The following PAMR1 variants were observed in gnomAD, a reference collection of about 807,000 sequenced individuals.
The protein encoded by PAMR1 is peptidase domain containing associated with muscle regeneration 1, also known as inactive serine protease PAMR1.
Under a neutral mutation model 81.8 loss-of-function variants are expected in PAMR1, and 88 were observed. The ratio of observed to expected loss-of-function variants is 1.08; its 90% CI spans 0.91 to 1.28. The LOEUF is 1.28. PAMR1 is among the 50% of genes most tolerant of loss of function. PAMR1 has a pLI of 0.00. For missense variants in PAMR1, 935 were observed against 919.7 expected (o/e 1.02, Z -0.21); for synonymous variants, 336 against 345.3 (o/e 0.97, Z 0.30).
At chr11:35,483,299 A>C (rs183764257) in intron 3 of PAMR1, among the ~76,000 whole-genome samples, 1 of 152,142 alleles carries the variant, frequency 6.6e-6, no homozygotes, top group African/African-American at 2.4e-5. Flanking sequence ...CTGTGACTAC[A>C]AGACTGGGAA....
rs559893178 is a variant in PAMR1 at position 35,463,110 on chromosome 11, G to A, written c.820+4891C>T. ...GGTCTCAGTACGTTCTCACTGGTTC[G>A]GCTTCATGTTTTCATGAACACCCCA... On this transcript the variant is annotated intron_variant, in intron 6 of 10. Transcript: ENST00000619888. Among the ~76,000 whole-genome samples, 314 of 152,222 alleles carry A rather than the reference G, an allele frequency of 2.1e-3. 1 individual carries two copies. Among genetic ancestry groups the A allele is most frequent in the African/African-American group, 7.1e-3 (296 of 41,518 alleles).
intron 3 of PAMR1, among the ~76,000 whole-genome samples, chr11:35,480,608 C>G: frequency 6.6e-6 from 1 of 152,176 alleles, no homozygotes; most frequent in East Asian, 1.9e-4. Context: ...CAGTTGGTTT[C>G]TTTTTTATTG....
chr11:35,496,680 C>T (rs1431670288), intron 1 of PAMR1, among the ~76,000 whole-genome samples: 3 of 152,176 alleles, frequency 2.0e-5, no homozygotes, highest in Non-Finnish European at 2.9e-5. Flanking sequence ...TGAAATGGTG[C>T]AGCCCCTATG....
intron 1 of PAMR1, among the ~76,000 whole-genome samples, chr11:35,518,042 C>T (rs569160826): frequency 6.6e-6 from 1 of 152,164 alleles, no homozygotes; most frequent in African/African-American, 2.4e-5. Flanking sequence ...ATTTGTATCT[C>T]ATTTCCACGA....
chr11:35,498,789 C>T (rs1452477555), intron 1 of PAMR1, among the ~76,000 whole-genome samples: 4 of 152,170 alleles, frequency 2.6e-5, no homozygotes, highest in Admixed American at 1.3e-4. Flanking sequence ...TCTCCCAAGG[C>T]CTCCGTCTCA....
intron 10 of PAMR1, among the ~76,000 whole-genome samples, chr11:35,433,773 C>A (rs75012957): frequency 9.6e-6 from 1 of 104,200 alleles, no homozygotes; most frequent in Non-Finnish European, 2.1e-5. Context: ...GATGGATAGA[C>A]GGATGGATGG....
chr11:35,452,288 T>C (rs1301014156), intron 6 of PAMR1, among the ~76,000 whole-genome samples: 2 of 151,682 alleles, frequency 1.3e-5, no homozygotes, highest in African/African-American at 2.4e-5. Flanking sequence ...AACTAAAAGA[T>C]GGCTTAAAAA....
At chr11:35,451,067 T>C (rs1856408890) in intron 6 of PAMR1, among the ~76,000 whole-genome samples, 1 of 152,372 alleles carries the variant, frequency 6.6e-6, no homozygotes, top group East Asian at 1.9e-4. Flanking sequence ...CACATCTGCC[T>C]CAGCAGAGGA....
At chr11:35,503,041 T>C (rs1850882892) in intron 1 of PAMR1, among the ~76,000 whole-genome samples, 2 of 152,346 alleles carry the variant, frequency 1.3e-5, no homozygotes, top group South Asian at 2.1e-4. Context: ...TCAAGTTTCA[T>C]ACTTCTGCAT....
intron 7 of PAMR1, among the ~76,000 whole-genome samples, 170 bp downstream of exon 7, chr11:35,441,311 A>G (rs1856159551): frequency 2.0e-5 from 3 of 152,190 alleles, no homozygotes; most frequent in Non-Finnish European, 2.9e-5. Context: ...TCAAAAAAAA[A>G]AAGAAGCAAA....
At chr11:35,488,197 C>CTTTTTTT (rs35884320) in intron 3 of PAMR1, among the ~76,000 whole-genome samples, 2 of 88,038 alleles carry the variant, frequency 2.3e-5, no homozygotes, top group East Asian at 3.5e-4. Flanking sequence ...CCTTTCCCAT[C>CTTTTTTT]TTTTTTTTTT....
chr11:35,455,308 A>G (rs10836398), intron 6 of PAMR1, among the ~76,000 whole-genome samples: 49,822 of 152,060 alleles, frequency 0.33, 8,213 homozygotes, highest in Admixed American at 0.41. Flanking sequence ...GCCCTCCAGT[A>G]AAATCAATAA....
At chr11:35,477,721 C>T (rs537512527) in intron 3 of PAMR1, among the ~76,000 whole-genome samples, 1 of 152,230 alleles carries the variant, frequency 6.6e-6, no homozygotes, top group South Asian at 2.1e-4. Flanking sequence ...GAGATATGAC[C>T]TTGGATCTGT....
chr11:35,447,259 G>A (rs1051438745), intron 6 of PAMR1, among the ~76,000 whole-genome samples: 4 of 145,196 alleles, frequency 2.8e-5, no homozygotes, highest in Non-Finnish European at 4.5e-5. Flanking sequence ...CTGCAGTGCA[G>A]TGGTGCGATC....
intron 1 of PAMR1, among the ~76,000 whole-genome samples, chr11:35,520,755 T>C (rs576252584): frequency 2.0e-5 from 3 of 152,330 alleles, no homozygotes; most frequent in Admixed American, 6.5e-5. Context: ...TTTTCCCCAT[T>C]TGCTTACACC....
At chr11:35,501,155 G>A (rs1263207452) in intron 1 of PAMR1, among the ~76,000 whole-genome samples, 1 of 142,020 alleles carries the variant, frequency 7.0e-6, no homozygotes, top group Non-Finnish European at 1.5e-5. Context: ...TTTTGAGACA[G>A]GGTCTCACTC....
At position 35,432,336 on chromosome 11, in the gene PAMR1, A is replaced by G. The variant is rs1368494887; in HGVS notation, c.*20T>C. 6.3e-7 allele frequency: 1 copy of G among 1,596,354 alleles called. No homozygotes were observed. Among genetic ancestry groups the G allele is most frequent in the East Asian group, 2.2e-5 (1 of 44,778 alleles). On this transcript the variant is annotated 3_prime_UTR_variant, in exon 11 of 11. Transcript: ENST00000619888. ...AGACGGATATACAGAAACACTTCTC[A>G]AGGAGTGCATGAGCATGGTTCATTT...
At chr11:35,446,617 G>T (rs191774652) in intron 6 of PAMR1, among the ~76,000 whole-genome samples, 1 of 152,272 alleles carries the variant, frequency 6.6e-6, no homozygotes, top group East Asian at 1.9e-4. Flanking sequence ...TCAGGAGCAG[G>T]TTGTTCAATT....
intron 1 of PAMR1, among the ~76,000 whole-genome samples, chr11:35,517,129 G>A (rs541827686): frequency 2.6e-5 from 4 of 152,158 alleles, no homozygotes; most frequent in South Asian, 4.2e-4. Context: ...ATCATCAGGC[G>A]TGCTAACAAA....
Sources: gnomAD v4.1 joint callset for allele counts (sites outside exome capture counted in the v4.1 genomes callset) on GRCh38, gnomAD v4.1.1 for gene constraint, MANE v1.5 for transcripts, NCBI Gene and HGNC (gene_info 2026-07-23, HGNC 2026-07-21) for gene names.